Variants in VSTM2B observed in about 807,000 individuals in gnomAD.
VSTM2B encodes the protein V-set and transmembrane domain containing 2B.
In VSTM2B, 24 loss-of-function variants were observed where a neutral mutation model predicts 24.0. The observed-to-expected ratio is 1.00, with a 90% CI of 0.72 to 1.40. VSTM2B has a LOEUF of 1.40. VSTM2B is among the 40% of genes most tolerant of loss of function. The pLI, the probability that VSTM2B is intolerant of heterozygous loss-of-function variation, is 0.00. For synonymous variants in VSTM2B, 226 were observed against 194.4 expected, an observed-to-expected ratio of 1.16 and a Z score of -1.35; for missense variants, 399 against 416.4, an observed-to-expected ratio of 0.96 and a Z score of 0.36.
rs1969558242 is a variant in VSTM2B at position 29,526,216 on chromosome 19, C to T, written c.-368C>T. Among the ~76,000 whole-genome samples the T allele has an allele frequency of 6.6e-6, 1 of 152,040 alleles. No individual in the cohort carries two copies. Among genetic ancestry groups the T allele is most frequent in the Non-Finnish European group, 1.5e-5 (1 of 67,952 alleles). Reference sequence around the variant, plus strand: ...AGCTCGCGGCTCCGTGGCACGCACTCCCTCGGCCAGGGATGGGTCCCGGCG... The same window carrying T: ...AGCTCGCGGCTCCGTGGCACGCACTTCCTCGGCCAGGGATGGGTCCCGGCG... On this transcript the variant is annotated 5_prime_UTR_variant, in exon 1 of 5. Coordinates refer to ENST00000335523, the MANE Select transcript of VSTM2B (RefSeq NM_001146339.2). The surrounding 1 kb of genome is among the most constrained non-coding windows in gnomAD (Gnocchi z 4.1).
At chr19:29,563,059 A>T (rs932577843) in intron 4 of VSTM2B, among the ~76,000 whole-genome samples, 1 of 152,100 alleles carries the variant, frequency 6.6e-6, no homozygotes, top group African/African-American at 2.4e-5. Context: ...CAACATCAGG[A>T]TGCCCCAGAC....
intron 4 of VSTM2B, among the ~76,000 whole-genome samples, chr19:29,555,782 C>G (rs993589979): frequency 6.6e-6 from 1 of 152,124 alleles, no homozygotes; most frequent in East Asian, 1.9e-4. Context: ...ATAAACTCCT[C>G]TATGCAAATA....
chr19:29,563,927 G>T lies in VSTM2B; in HGVS notation c.851G>T (p.Gly284Val). 1 of 1,552,298 alleles carries T rather than the reference G, an allele frequency of 6.4e-7. No individual in the cohort carries two copies. The highest frequency in any genetic ancestry group is 1.2e-5 in the South Asian group (1 of 84,062). ...CATAAGTTCCTGCGCCTGCTCTTGG[G>T]ACATTGACAGACAAGACCAACCCGA... Reference protein sequence around the residue: ...ALHKFLRLLLGH With the variant: ...ALHKFLRLLLVH Residue 284 changes from glycine to valine, a missense_variant, in exon 5 of 5, where the codon GGA becomes GTA. By Grantham distance (109) the Gly-to-Val change is moderately radical. Coordinates refer to ENST00000335523, the MANE Select transcript of VSTM2B (RefSeq NM_001146339.2).
rs572755300 is a variant in VSTM2B at position 29,550,052 on chromosome 19, C to A, written c.770-13794C>A. 6.6e-5 allele frequency among the ~76,000 whole-genome samples: 10 copies of A among 152,356 alleles called. No homozygotes were observed. In the South Asian group the frequency reaches 2.1e-3, roughly 32 times the overall value. On this transcript the variant is annotated intron_variant, in intron 4 of 4. Transcript: ENST00000335523. ...GACAGCAAAAGAGACTAGAAATAGG[C>A]TTGAACATCAGAGCTGAGGGGCCCC...
intron 4 of VSTM2B, among the ~76,000 whole-genome samples, chr19:29,537,966 A>T (rs1283996810): frequency 6.6e-6 from 1 of 152,200 alleles, no homozygotes; most frequent in Non-Finnish European, 1.5e-5. Flanking sequence ...GACACTGAAC[A>T]TAGTTCCGGA....
chr19:29,536,403 C>T (rs925785258), intron 4 of VSTM2B, among the ~76,000 whole-genome samples: 1 of 152,224 alleles, frequency 6.6e-6, no homozygotes, highest in African/African-American at 2.4e-5. Context: ...CCCCCTCTCT[C>T]CTTCCCAAGG....
At chr19:29,553,757 A>G (rs1461214117) in intron 4 of VSTM2B, among the ~76,000 whole-genome samples, 3 of 152,244 alleles carry the variant, frequency 2.0e-5, no homozygotes, top group African/African-American at 7.2e-5. Flanking sequence ...GAAACACAAC[A>G]TAAGAACTTG....
At chr19:29,546,992 C>G (rs1374529628) in intron 4 of VSTM2B, among the ~76,000 whole-genome samples, 1 of 152,114 alleles carries the variant, frequency 6.6e-6, no homozygotes, top group African/African-American at 2.4e-5. Flanking sequence ...GCTCTTTGGG[C>G]CCGAGAGGTG....
chr19:29,552,984 G>A (rs573452742), intron 4 of VSTM2B, among the ~76,000 whole-genome samples: 2 of 152,284 alleles, frequency 1.3e-5, no homozygotes, highest in South Asian at 4.1e-4. Context: ...GAGCCCCTCA[G>A]GGGAGGGGTG....
intron 4 of VSTM2B, among the ~76,000 whole-genome samples, chr19:29,562,090 C>T (rs1027017615): frequency 2.0e-5 from 3 of 152,202 alleles, no homozygotes; most frequent in African/African-American, 4.8e-5. Flanking sequence ...ACCTGCCCCT[C>T]GGATAGCACC....
chr19:29,531,199 T>C (rs1474494613), intron 4 of VSTM2B, among the ~76,000 whole-genome samples: 1 of 152,128 alleles, frequency 6.6e-6, no homozygotes, highest in Non-Finnish European at 1.5e-5. Context: ...TGCTCCAAGC[T>C]GGGCCTCAGA....
At position 29,527,733 on chromosome 19, in the gene VSTM2B, C is replaced by T. The variant is rs77290380; in HGVS notation, c.267+338C>T. On this transcript the variant is annotated intron_variant, in intron 2 of 4. Coordinates refer to ENST00000335523, the MANE Select transcript of VSTM2B (RefSeq NM_001146339.2). ...GTAGTGAAGGAAGCCCCCTTGGTCC[C>T]ATCAGGCTCTCCCCGCCCTCTGCCA... 4.6e-4 allele frequency among the ~76,000 whole-genome samples: 70 copies of T among 152,270 alleles called. No homozygotes were observed. The East Asian group carries it at 9.3e-3, about 20-fold the overall frequency.
At chr19:29,543,243 C>T (rs1953883184) in intron 4 of VSTM2B, among the ~76,000 whole-genome samples, 1 of 152,206 alleles carries the variant, frequency 6.6e-6, no homozygotes, top group African/African-American at 2.4e-5. Context: ...GGCAATAATT[C>T]ATAATGCATT....
intron 4 of VSTM2B, among the ~76,000 whole-genome samples, chr19:29,548,798 G>C (rs1275290575): frequency 1.3e-5 from 2 of 152,202 alleles, no homozygotes; most frequent in African/African-American, 4.8e-5. Flanking sequence ...AACTGCATGG[G>C]GACAAAGATA....
chr19:29,537,777 A>C (rs1303743863), intron 4 of VSTM2B, among the ~76,000 whole-genome samples: 2 of 141,034 alleles, frequency 1.4e-5, no homozygotes, highest in Non-Finnish European at 3.0e-5. Flanking sequence ...GCCCTGCTCC[A>C]TGCAGCTCAG....
chr19:29,527,433 CTCGCGCCCGGGGCGGCGAAGGCTA>C, intron 2 of VSTM2B, 38 bp downstream of exon 2: 1 of 1,425,362 alleles, frequency 7.0e-7, no homozygotes, highest in African/African-American at 1.5e-5. Context: ...GCGCGCCCGG[CTCGCGCCCGGGGCGGCGAAGGCTA>C]ACCCAGGGAG....
chr19:29,549,549 G>T (rs1001650572), intron 4 of VSTM2B, among the ~76,000 whole-genome samples: 1 of 151,000 alleles, frequency 6.6e-6, no homozygotes, highest in Non-Finnish European at 1.5e-5. Flanking sequence ...CCCCAAGGCT[G>T]CTCTAGGAGA....
chr19:29,535,430 AG>A (rs1457703566), intron 4 of VSTM2B, among the ~76,000 whole-genome samples: 2 of 152,214 alleles, frequency 1.3e-5, no homozygotes, highest in Non-Finnish European at 2.9e-5. Flanking sequence ...AATTAGCCTC[AG>A]GGCTCTGGCT....
At chr19:29,559,687 A>G (rs1454488498) in intron 4 of VSTM2B, among the ~76,000 whole-genome samples, 1 of 152,154 alleles carries the variant, frequency 6.6e-6, no homozygotes, top group Non-Finnish European at 1.5e-5. Context: ...TTTCCTCTTG[A>G]GAGAAGGAAA....
Sources: gnomAD v4.1 joint callset for allele counts (sites outside exome capture counted in the v4.1 genomes callset) on GRCh38, gnomAD v4.1.1 for gene constraint, Gnocchi (gnomAD v3.1) non-coding constraint, MANE v1.5 for transcripts, NCBI Gene and HGNC (gene_info 2026-07-23, HGNC 2026-07-21) for gene names.